RYR3: variants seen among roughly 807,000 people sequenced by gnomAD.
The protein encoded by RYR3 is brain ryanodine receptor-calcium release channel.
RYR3 carries 207 observed loss-of-function variants against 584.3 expected under a neutral mutation model. That is an observed-to-expected ratio of 0.35 (90% CI 0.32 to 0.40). The LOEUF (loss-of-function observed/expected upper bound fraction) is 0.40. RYR3 is among the 10% of genes least tolerant of loss of function. The pLI is 1.00. For missense variants in RYR3, 5,616 were observed against 6,089.2 expected (o/e 0.92, Z 2.59); for synonymous variants, 2,416 against 2,248.5 (o/e 1.07, Z -2.11).
chr15:33,709,869 G>T (rs570005802), intron 43 of RYR3, among the ~76,000 whole-genome samples: 9 of 152,334 alleles, frequency 5.9e-5, no homozygotes, highest in South Asian at 2.1e-4. Flanking sequence ...AAGGTAGGTG[G>T]TTATAATGGG....
At chr15:33,397,156 G>A (rs545445210) in intron 1 of RYR3, among the ~76,000 whole-genome samples, 3 of 152,314 alleles carry the variant, frequency 2.0e-5, no homozygotes, top group Non-Finnish European at 2.9e-5. Context: ...GTTACAACCT[G>A]TAAGGTGCCC....
intron 100 of RYR3, 115 bp downstream of exon 100, chr15:33,859,846 A>G: frequency 8.5e-7 from 1 of 1,170,656 alleles, no homozygotes; most frequent in Non-Finnish European, 1.2e-6. Flanking sequence ...TTACTTGTTA[A>G]TTTAGCAAGA....
intron 1 of RYR3, among the ~76,000 whole-genome samples, chr15:33,330,492 T>G (rs1439745204): frequency 6.6e-6 from 1 of 152,122 alleles, no homozygotes; most frequent in Non-Finnish European, 1.5e-5. Context: ...CAGGAGGCTC[T>G]CTCTCCTGTG....
chr15:33,580,331 T>C (rs973668521), intron 13 of RYR3, among the ~76,000 whole-genome samples, 187 bp downstream of exon 13: 2 of 152,202 alleles, frequency 1.3e-5, no homozygotes, highest in Admixed American at 1.3e-4. Flanking sequence ...ACATTAGCAA[T>C]GGCTGGCACG....
chr15:33,842,389 C>A (rs7163140), intron 91 of RYR3, among the ~76,000 whole-genome samples: 1 of 152,122 alleles, frequency 6.6e-6, no homozygotes, highest in Non-Finnish European at 1.5e-5. Flanking sequence ...GTTTTGATCA[C>A]GTGGGAATCA....
intron 94 of RYR3, chr15:33,849,700 G>A (rs867117632): frequency 6.6e-6 from 1 of 152,292 alleles, no homozygotes; most frequent in Middle Eastern, 3.4e-3. Context: ...AATTAAGATA[G>A]GCATGTTAAG....
intron 2 of RYR3, among the ~76,000 whole-genome samples, chr15:33,476,155 T>C (rs1271169910): frequency 6.6e-6 from 1 of 152,218 alleles, no homozygotes; most frequent in Non-Finnish European, 1.5e-5. Flanking sequence ...GAATTACAAA[T>C]TCATGTAACT....
chr15:33,820,255 G>A lies in RYR3; in HGVS notation c.10758+448G>A, dbSNP rs538367792. Among the ~76,000 whole-genome samples, 82 of 152,320 alleles carry A rather than the reference G, an allele frequency of 5.4e-4. 2 individuals carry two copies. The South Asian group carries it at 0.015, about 28-fold the overall frequency. The stretch of plus-strand genomic sequence containing the variant: ...GACCTCTGGAATGCTGAGCAAATAA[G>A]GGAAACTTTGATGTCAGGCAGAAAG... On this transcript the variant is annotated intron_variant, in intron 77 of 103. Coordinates refer to ENST00000634891, the MANE Select transcript of RYR3 (RefSeq NM_001036.6).
chr15:33,385,710 C>CTTTTT (rs10682215), intron 1 of RYR3, among the ~76,000 whole-genome samples: 64,565 of 130,806 alleles, frequency 0.49, 17,264 homozygotes, highest in Non-Finnish European at 0.57. Context: ...TTTTTCTTTT[C>CTTTTT]TTTTTTTTTT....
chr15:33,689,873 G>A (rs2065292606), intron 38 of RYR3, among the ~76,000 whole-genome samples: 1 of 152,184 alleles, frequency 6.6e-6, no homozygotes, highest in South Asian at 2.1e-4. Context: ...CAACTAGGCT[G>A]TAGTGGGTAA....
At chr15:33,705,883 C>G (rs1017743522) in intron 42 of RYR3, among the ~76,000 whole-genome samples, 1 of 152,236 alleles carries the variant, frequency 6.6e-6, no homozygotes, top group Non-Finnish European at 1.5e-5. Flanking sequence ...TGGCCCGCCC[C>G]CAGTGGGCCC....
intron 11 of RYR3, among the ~76,000 whole-genome samples, chr15:33,564,608 A>G (rs1189479810): frequency 6.6e-6 from 1 of 152,176 alleles, no homozygotes; most frequent in African/African-American, 2.4e-5. Context: ...CAGTTTTTCA[A>G]ACCTACTAAG....
intron 1 of RYR3, among the ~76,000 whole-genome samples, chr15:33,413,411 G>A (rs904109756): frequency 2.0e-5 from 3 of 152,374 alleles, no homozygotes; most frequent in Non-Finnish European, 4.4e-5. Context: ...TAGTGGAAGC[G>A]TCATGTGACG....
rs2048002109 is a variant in RYR3 at position 33,461,091 on chromosome 15, C to T, written c.52-12328C>T. On this transcript the variant is annotated intron_variant, in intron 1 of 103. Coordinates refer to ENST00000634891, the MANE Select transcript of RYR3 (RefSeq NM_001036.6). The stretch of plus-strand genomic sequence containing the variant: ...TCCCGAGTAGCTGTAACTACAGGCA[C>T]CCGCCACCACGCCCAGCTAATTTTT... Among the ~76,000 whole-genome samples the T allele has an allele frequency of 2.0e-5, 3 of 151,738 alleles. No individual in the cohort carries two copies. In the South Asian group the frequency reaches 6.3e-4, roughly 32 times the overall value.
At chr15:33,409,347 T>TA (rs35423415) in intron 1 of RYR3, among the ~76,000 whole-genome samples, 75,476 of 141,692 alleles carry the variant, frequency 0.53, 19,562 homozygotes, top group South Asian at 0.62. Context: ...TCAAAAAATC[T>TA]AAAAAAAAAA....
chr15:33,313,685 T>C (rs1967674829), intron 1 of RYR3, among the ~76,000 whole-genome samples: 1 of 152,232 alleles, frequency 6.6e-6, no homozygotes, highest in Non-Finnish European at 1.5e-5. Context: ...ATTAGTCATA[T>C]ATAATGCTTC....
At chr15:33,837,536 G>T in intron 88 of RYR3, 95 bp from the exon 89 acceptor site, 1 of 1,350,478 alleles carries the variant, frequency 7.4e-7, no homozygotes, top group Non-Finnish European at 9.9e-7. Flanking sequence ...TGACTAATTT[G>T]GCACAAAAGT....
chr15:33,405,113 T>C (rs1595996802), intron 1 of RYR3, among the ~76,000 whole-genome samples: 1 of 152,356 alleles, frequency 6.6e-6, no homozygotes, highest in East Asian at 1.9e-4. Context: ...ACGTAAAGTA[T>C]TATTTGAATC....
At chr15:33,788,112 C>T in intron 66 of RYR3, 106 bp from the exon 67 acceptor site, 1 of 1,389,528 alleles carries the variant, frequency 7.2e-7, no homozygotes, top group Non-Finnish European at 1.0e-6. Context: ...GGGCAGGTGC[C>T]ATCCTGAGTC....
Sources: allele counts gnomAD v4.1 joint callset (sites outside exome capture counted in the v4.1 genomes callset), GRCh38; gene constraint gnomAD v4.1.1; transcripts MANE v1.5; gene names NCBI Gene and HGNC (gene_info 2026-07-23, HGNC 2026-07-21).